Variants in TSPAN15 observed in about 807,000 individuals in gnomAD.
TSPAN15 encodes the protein tetraspanin-15.
TSPAN15 carries 20 observed loss-of-function variants against 34.5 expected under a neutral mutation model. That is an observed-to-expected ratio of 0.58 (90% CI 0.41 to 0.84). The LOEUF is 0.84. Ranked by LOEUF, TSPAN15 falls within the 40% of genes least tolerant of loss-of-function variation. The probability of loss-of-function intolerance (pLI) is 0.00; values close to 1 mark genes in which losing one functional copy is unlikely to be tolerated. For synonymous variants in TSPAN15, 155 were observed against 153.9 expected (o/e 1.01, Z -0.05); for missense variants, 313 against 386.1 (o/e 0.81, Z 1.59).
chr10:69,526,225 G>A, the TSPAN15 span, among the ~76,000 whole-genome samples: 1 of 147,152 alleles, frequency 6.8e-6, no homozygotes, highest in Non-Finnish European at 1.5e-5. Flanking sequence ...CTAGAGGAGT[G>A]AATCATTTTC....
chr10:69,476,239 A>G (rs1841611526), intron 1 of TSPAN15, among the ~76,000 whole-genome samples: 1 of 152,126 alleles, frequency 6.6e-6, no homozygotes, highest in Non-Finnish European at 1.5e-5. Context: ...AGTCATTACA[A>G]TAAGGAGGTT....
At chr10:69,530,240 A>G in the TSPAN15 span, among the ~76,000 whole-genome samples, 2 of 147,718 alleles carry the variant, frequency 1.4e-5, no homozygotes, top group Admixed American at 7.0e-5. Flanking sequence ...CATTAGCCAG[A>G]ACTCAGTCAC....
chr10:69,539,450 A>AG, the TSPAN15 span, among the ~76,000 whole-genome samples: 89 of 27,498 alleles, frequency 3.2e-3, 2 homozygotes, highest in African/African-American at 9.3e-3. Context: ...AGGAAGAAGA[A>AG]GAAGAAGAAG....
chr10:69,548,364 C>T, the TSPAN15 span, among the ~76,000 whole-genome samples: 4 of 152,230 alleles, frequency 2.6e-5, no homozygotes, highest in African/African-American at 7.2e-5. Flanking sequence ...TTTCCTTACT[C>T]CTGATGTTTC....
the TSPAN15 span, among the ~76,000 whole-genome samples, chr10:69,526,175 G>T: frequency 2.0e-5 from 3 of 147,478 alleles, no homozygotes; most frequent in African/African-American, 7.4e-5. Flanking sequence ...AATTATAGGT[G>T]AGTATAATGT....
At chr10:69,452,563 G>T (rs1840997022) in intron 1 of TSPAN15, among the ~76,000 whole-genome samples, 1 of 152,140 alleles carries the variant, frequency 6.6e-6, no homozygotes. Flanking sequence ...CGTGAAATAG[G>T]CCGGGTATGG....
chr10:69,462,699 C>T (rs935242049), intron 1 of TSPAN15, among the ~76,000 whole-genome samples: 1 of 152,186 alleles, frequency 6.6e-6, no homozygotes, highest in East Asian at 1.9e-4. Flanking sequence ...AACCACAGCT[C>T]AGGGTGGTAT....
At chr10:69,539,551 G>GA in the TSPAN15 span, among the ~76,000 whole-genome samples, 3 of 59,732 alleles carry the variant, frequency 5.0e-5, no homozygotes, top group Admixed American at 1.6e-4. Flanking sequence ...GAAGGAGAAG[G>GA]AGAAGGAGAA....
the TSPAN15 span, among the ~76,000 whole-genome samples, chr10:69,517,652 T>G: frequency 6.6e-6 from 1 of 152,020 alleles, no homozygotes; most frequent in Non-Finnish European, 1.5e-5. Context: ...TGGTCCATGG[T>G]GCCTGGGGGA....
the TSPAN15 span, among the ~76,000 whole-genome samples, chr10:69,515,652 C>T: frequency 2.0e-5 from 3 of 152,230 alleles, no homozygotes; most frequent in Non-Finnish European, 4.4e-5. Flanking sequence ...TGAGAAGCAC[C>T]TGGAAATATT....
At chr10:69,539,527 AAGAAGAAGAAGG>A in the TSPAN15 span, among the ~76,000 whole-genome samples, 8 of 91,334 alleles carry the variant, frequency 8.8e-5, no homozygotes, top group South Asian at 6.7e-4. Flanking sequence ...GAAGAAGAAG[AAGAAGAAGAAGG>A]AGAAGGAGAA....
intron 4 of TSPAN15, among the ~76,000 whole-genome samples, chr10:69,496,440 A>G (rs892085778): frequency 6.6e-6 from 1 of 151,884 alleles, no homozygotes; most frequent in Non-Finnish European, 1.5e-5. Context: ...CCTGAGCCTC[A>G]GCTTCCTCAC....
chr10:69,533,970 T>A, the TSPAN15 span, among the ~76,000 whole-genome samples: 4 of 152,218 alleles, frequency 2.6e-5, no homozygotes, highest in African/African-American at 4.8e-5. Context: ...CTTTATTAGA[T>A]GTGGCATGGG....
At chr10:69,519,979 G>A in the TSPAN15 span, among the ~76,000 whole-genome samples, 6 of 152,262 alleles carry the variant, frequency 3.9e-5, no homozygotes, top group South Asian at 1.2e-3. Context: ...TGATCTGCCC[G>A]CTTTGGCCTC....
the TSPAN15 span, among the ~76,000 whole-genome samples, chr10:69,548,151 G>A: frequency 0.014 from 2,178 of 152,082 alleles, 48 homozygotes; most frequent in African/African-American, 0.049. Context: ...AATCAGAAAG[G>A]GGGGAAAGGA....
intron 1 of TSPAN15, among the ~76,000 whole-genome samples, chr10:69,471,551 T>C (rs1488375513): frequency 6.6e-6 from 1 of 151,076 alleles, no homozygotes; most frequent in Non-Finnish European, 1.5e-5. Context: ...CTTTCTTTCT[T>C]TCTCTCTCAC....
At chr10:69,457,285 T>C (rs1841133278) in intron 1 of TSPAN15, among the ~76,000 whole-genome samples, 1 of 152,150 alleles carries the variant, frequency 6.6e-6, no homozygotes, top group African/African-American at 2.4e-5. Flanking sequence ...ATGATGGTGA[T>C]TGAGTCCCAC....
chr10:69,504,509 C>T (rs760107285), intron 6 of TSPAN15, 24 bp downstream of exon 6: 2 of 1,613,508 alleles, frequency 1.2e-6, no homozygotes, highest in Non-Finnish European at 1.7e-6. Flanking sequence ...AATGCCTTTC[C>T]CTGGAAATGT....
the TSPAN15 span, among the ~76,000 whole-genome samples, chr10:69,536,130 C>T: frequency 2.6e-5 from 4 of 152,232 alleles, no homozygotes; most frequent in Non-Finnish European, 4.4e-5. Context: ...TCATCAAGCA[C>T]TGGGCCAAGG....
Sources: gnomAD v4.1 joint callset for allele counts (sites outside exome capture counted in the v4.1 genomes callset) on GRCh38, gnomAD v4.1.1 for gene constraint, MANE v1.5 for transcripts, NCBI Gene and HGNC (gene_info 2026-07-23, HGNC 2026-07-21) for gene names.